RGS6: variants seen among roughly 807,000 people sequenced by gnomAD.
RGS6 encodes regulator of G-protein signaling 6.
Under a neutral mutation model 78.5 loss-of-function variants are expected in RGS6, and 30 were observed. The observed-to-expected ratio is 0.38, with a 90% confidence interval of 0.29 to 0.52. RGS6 has a LOEUF of 0.52. Among genes scored for constraint, RGS6 ranks in the 20% least tolerant of loss-of-function variants. The pLI, the probability that RGS6 is intolerant of heterozygous loss-of-function variation, is 0.85. For missense variants in RGS6, 495 were observed against 609.7 expected (o/e 0.81, Z 1.98); for synonymous variants, 206 against 206.0 (o/e 1.00, Z 0.00).
chr14:71,958,261 T>C (rs1325524440), intron 1 of RGS6, among the ~76,000 whole-genome samples: 1 of 152,180 alleles, frequency 6.6e-6, no homozygotes, highest in African/African-American at 2.4e-5. Context: ...GATGGACATG[T>C]TGGAAAAACT....
the RGS6 span, among the ~76,000 whole-genome samples, chr14:72,610,629 G>A: frequency 6.6e-6 from 1 of 152,332 alleles, no homozygotes; most frequent in Non-Finnish European, 1.5e-5. Context: ...TTTGTGAATC[G>A]ACCGTGTGAC....
chr14:72,277,613 A>AAT (rs1555608966), intron 2 of RGS6, among the ~76,000 whole-genome samples: 8 of 151,292 alleles, frequency 5.3e-5, no homozygotes, highest in East Asian at 3.9e-4. Context: ...AAAAAAAAAA[A>AAT]TTTTAAATTT....
In RGS6 at chr14:72,186,996, G is replaced by T. The variant is rs577747346; in HGVS notation, c.85-165099G>T. On this transcript the variant is annotated intron_variant, in intron 2 of 17. Coordinates refer to ENST00000553525, the MANE Select transcript of RGS6 (RefSeq NM_001204424.2). ...GGGTCAGTTTCTCCCTGAATGGAAAGTGTCAAAAAATGGCCATTTAGACTT... is the reference window on the plus strand; with the variant it reads ...GGGTCAGTTTCTCCCTGAATGGAAATTGTCAAAAAATGGCCATTTAGACTT... Among the ~76,000 whole-genome samples, 9 of 152,300 alleles carry T rather than the reference G, an allele frequency of 5.9e-5. No individual in the cohort carries two copies. The East Asian group carries it at 1.7e-3, about 29-fold the overall frequency.
intron 3 of RGS6, among the ~76,000 whole-genome samples, chr14:72,431,454 G>C (rs547943520): frequency 1.3e-4 from 20 of 152,270 alleles, no homozygotes; most frequent in South Asian, 1.0e-3. Flanking sequence ...CTATATTCAA[G>C]TGATTCTCAT....
chr14:72,520,969 T>G (rs1336987277), intron 15 of RGS6, among the ~76,000 whole-genome samples: 1 of 152,162 alleles, frequency 6.6e-6, no homozygotes, highest in Non-Finnish European at 1.5e-5. Flanking sequence ...TGATTCCTCT[T>G]AGTGAGAAAT....
At chr14:72,074,965 A>G (rs1001535463) in intron 2 of RGS6, among the ~76,000 whole-genome samples, 1 of 152,174 alleles carries the variant, frequency 6.6e-6, no homozygotes, top group Non-Finnish European at 1.5e-5. Flanking sequence ...ACATACTTTT[A>G]AATGAACTGC....
intron 2 of RGS6, among the ~76,000 whole-genome samples, chr14:72,307,876 G>A (rs2067617459): frequency 6.6e-6 from 1 of 152,052 alleles, no homozygotes; most frequent in African/African-American, 2.4e-5. Flanking sequence ...TTTCTTTAAA[G>A]GTCTTCATGC....
chr14:72,028,783 A>C (rs1299793565), intron 2 of RGS6, among the ~76,000 whole-genome samples: 1 of 152,232 alleles, frequency 6.6e-6, no homozygotes, highest in Non-Finnish European at 1.5e-5. Context: ...GCTGTAGTTG[A>C]AAAACCAACA....
chr14:72,330,211 C>G (rs966180611), intron 2 of RGS6, among the ~76,000 whole-genome samples: 5 of 152,214 alleles, frequency 3.3e-5, no homozygotes, highest in African/African-American at 4.8e-5. Context: ...AGTCTTTGTC[C>G]TTGACAATTA....
chr14:72,374,667 A>G (rs989106595), intron 3 of RGS6, among the ~76,000 whole-genome samples: 1 of 152,226 alleles, frequency 6.6e-6, no homozygotes, highest in Non-Finnish European at 1.5e-5. Flanking sequence ...TAAGAAAACA[A>G]AACAACATAA....
intron 2 of RGS6, 26 bp downstream of exon 2, chr14:71,964,901 C>T (rs377764502): frequency 9.4e-5 from 148 of 1,579,388 alleles, no homozygotes; most frequent in Non-Finnish European, 1.1e-4. Context: ...AAGTGCCGTG[C>T]GTGCTGTCCG....
At chr14:72,120,286 G>A (rs1172871611) in intron 2 of RGS6, among the ~76,000 whole-genome samples, 1 of 152,154 alleles carries the variant, frequency 6.6e-6, no homozygotes, top group Non-Finnish European at 1.5e-5. Flanking sequence ...TAGCACAGTG[G>A]AAACCTTCTT....
intron 3 of RGS6, among the ~76,000 whole-genome samples, chr14:72,433,849 C>T (rs1377297707): frequency 2.6e-5 from 4 of 152,206 alleles, no homozygotes; most frequent in African/African-American, 7.2e-5. Flanking sequence ...GATGACCACC[C>T]GTTTCATCAG....
At chr14:72,272,274 T>A (rs1291781206) in intron 2 of RGS6, among the ~76,000 whole-genome samples, 1 of 152,172 alleles carries the variant, frequency 6.6e-6, no homozygotes, top group Admixed American at 6.5e-5. Context: ...ATCACCATAC[T>A]CAATGCAATT....
At chr14:72,532,191 G>T (rs1318754779) in intron 15 of RGS6, among the ~76,000 whole-genome samples, 1 of 152,182 alleles carries the variant, frequency 6.6e-6, no homozygotes, top group Non-Finnish European at 1.5e-5. Flanking sequence ...TCACAGTTTG[G>T]TAATTCTTGC....
At chr14:72,452,044 C>A (rs1288078495) in intron 3 of RGS6, among the ~76,000 whole-genome samples, 1 of 152,220 alleles carries the variant, frequency 6.6e-6, no homozygotes, top group East Asian at 1.9e-4. Flanking sequence ...GCCACTGCGC[C>A]TGGCCAGAAC....
intron 2 of RGS6, among the ~76,000 whole-genome samples, chr14:72,179,697 A>T (rs558608107): frequency 3.7e-4 from 46 of 125,314 alleles, no homozygotes; most frequent in Admixed American, 8.1e-4. Flanking sequence ...GAAGGGGGTT[A>T]TACTTTTAGG....
At chr14:72,164,622 A>G (rs2096899729) in intron 2 of RGS6, among the ~76,000 whole-genome samples, 1 of 152,208 alleles carries the variant, frequency 6.6e-6, no homozygotes, top group Admixed American at 6.5e-5. Flanking sequence ...AAGCTCAGAC[A>G]ACTATGAAGT....
chr14:72,288,674 T>G (rs1178075452), intron 2 of RGS6, among the ~76,000 whole-genome samples: 1 of 152,058 alleles, frequency 6.6e-6, no homozygotes, highest in Non-Finnish European at 1.5e-5. Flanking sequence ...CCAATGAGAT[T>G]TAGAGAATGA....
Sources: allele counts gnomAD v4.1 joint callset (sites outside exome capture counted in the v4.1 genomes callset), GRCh38; gene constraint gnomAD v4.1.1; transcripts MANE v1.5; gene names NCBI Gene and HGNC (gene_info 2026-07-23, HGNC 2026-07-21).